Variants in SYT14 observed in about 807,000 individuals in gnomAD.
SYT14 encodes synaptotagmin-14.
SYT14 carries 32 observed loss-of-function variants against 74.2 expected under a neutral mutation model. That is an observed-to-expected ratio of 0.43 (90% CI 0.33 to 0.58). SYT14 has a LOEUF of 0.58. SYT14 is among the 20% of genes least tolerant of loss of function. The pLI is 0.05. For synonymous variants in SYT14, 298 were observed against 337.7 expected, an observed-to-expected ratio of 0.88 and a Z score of 1.29; for missense variants, 791 against 981.8, an observed-to-expected ratio of 0.81 and a Z score of 2.60.
At chr1:210,008,822 G>A (rs924574883) in intron 2 of SYT14, among the ~76,000 whole-genome samples, 58 of 152,122 alleles carry the variant, frequency 3.8e-4, no homozygotes, top group African/African-American at 1.3e-3. Context: ...CAGATTCATA[G>A]TATACAAAGA....
At chr1:210,104,843 A>G (rs1369845109) in intron 7 of SYT14, among the ~76,000 whole-genome samples, 1 of 152,208 alleles carries the variant, frequency 6.6e-6, no homozygotes, top group African/African-American at 2.4e-5. Flanking sequence ...AGGCTATTGG[A>G]CAATTCTCAG....
At chr1:210,147,454 G>A (rs905584305) in intron 7 of SYT14, among the ~76,000 whole-genome samples, 2 of 152,116 alleles carry the variant, frequency 1.3e-5, no homozygotes, top group African/African-American at 4.8e-5. Context: ...AAATTACAGT[G>A]AAAGGATAAA....
chr1:210,052,665 C>CAAAAAAAAAAAAAAAAAAAAAAAAAAA (rs561069342), intron 5 of SYT14, among the ~76,000 whole-genome samples: 4 of 42,264 alleles, frequency 9.5e-5, no homozygotes, highest in Non-Finnish European at 1.7e-4. Context: ...TACATCTCAC[C>CAAAAAAAAAAAAAAAAAAAAAAAAAAA]AAAAAAAAAA....
chr1:210,138,033 A>G (rs2082828107), intron 7 of SYT14, among the ~76,000 whole-genome samples: 1 of 152,162 alleles, frequency 6.6e-6, no homozygotes, highest in Non-Finnish European at 1.5e-5. Flanking sequence ...ACATAAACAC[A>G]TGCTGTGTAC....
intron 2 of SYT14, among the ~76,000 whole-genome samples, chr1:209,990,261 G>A (rs1366308575): frequency 1.3e-5 from 2 of 151,750 alleles, no homozygotes; most frequent in African/African-American, 4.8e-5. Flanking sequence ...GTTCCAGATT[G>A]TTAGGGCTTC....
intron 5 of SYT14, among the ~76,000 whole-genome samples, chr1:210,042,962 A>G (rs1312789903): frequency 6.6e-6 from 1 of 152,116 alleles, no homozygotes; most frequent in East Asian, 1.9e-4. Flanking sequence ...CATTTTCACG[A>G]TATTGATTCT....
chr1:210,062,220 A>T (rs202105137), intron 5 of SYT14, among the ~76,000 whole-genome samples: 1 of 151,848 alleles, frequency 6.6e-6, no homozygotes, highest in East Asian at 1.9e-4. Flanking sequence ...TAAGTACACG[A>T]CAGTATATGA....
intron 2 of SYT14, chr1:209,953,352 A>T: frequency 1.3e-6 from 1 of 757,068 alleles, no homozygotes; most frequent in Non-Finnish European, 1.9e-6. Flanking sequence ...AACTCCTTAT[A>T]AGTAATCACA....
At chr1:210,078,252 G>A (rs1474514084) in intron 5 of SYT14, among the ~76,000 whole-genome samples, 1 of 133,654 alleles carries the variant, frequency 7.5e-6, no homozygotes, top group Admixed American at 8.6e-5. Context: ...AGAGCTTGCA[G>A]TGAGCTGAGA....
intron 2 of SYT14, among the ~76,000 whole-genome samples, chr1:209,987,280 A>G (rs2102823231): frequency 6.6e-6 from 1 of 152,296 alleles, no homozygotes; most frequent in East Asian, 1.9e-4. Flanking sequence ...ATATTAGGCA[A>G]TTCTTGTGTT....
chr1:210,028,178 G>T (rs75894915), intron 5 of SYT14, among the ~76,000 whole-genome samples: 1 of 148,982 alleles, frequency 6.7e-6, no homozygotes, highest in African/African-American at 2.5e-5. Context: ...TTTTTGTCTC[G>T]CTTATTTTAG....
chr1:210,142,321 A>G (rs75830055), intron 7 of SYT14, among the ~76,000 whole-genome samples: 2 of 152,148 alleles, frequency 1.3e-5, no homozygotes, highest in Non-Finnish European at 2.9e-5. Flanking sequence ...CACAGTATTG[A>G]GCCATTTTTC....
At chr1:210,028,980 G>A (rs2080471614) in intron 5 of SYT14, among the ~76,000 whole-genome samples, 1 of 152,104 alleles carries the variant, frequency 6.6e-6, no homozygotes. Context: ...ATAGGTATGA[G>A]GTGATATCTT....
chr1:210,104,207 A>G (rs2082120587), intron 7 of SYT14, among the ~76,000 whole-genome samples: 1 of 152,248 alleles, frequency 6.6e-6, no homozygotes, highest in African/African-American at 2.4e-5. Flanking sequence ...CAGTTGCAGT[A>G]GAGGAAAGTC....
At chr1:209,975,884 A>T (rs1043229645) in intron 2 of SYT14, among the ~76,000 whole-genome samples, 15 of 152,132 alleles carry the variant, frequency 9.9e-5, no homozygotes, top group African/African-American at 2.9e-4. Flanking sequence ...TTTCAGAGCC[A>T]GTTGTTGGTC....
In SYT14 at chr1:210,117,108, C is replaced by T. The variant is rs1008063802; in HGVS notation, c.2034+16647C>T. ...AATGCCACAGACTCTTAAGACTGAA[C>T]TACCCTCTTTATGACTTACTACAAT... On this transcript the variant is annotated intron_variant, in intron 7 of 9. Coordinates refer to ENST00000637265, the Ensembl canonical transcript of SYT14. Among the ~76,000 whole-genome samples the T allele has an allele frequency of 6.6e-5, 10 of 152,252 alleles. No homozygotes were observed. The East Asian group carries it at 1.9e-3, about 29-fold the overall frequency.
chr1:210,071,176 T>C (rs1423798988), intron 5 of SYT14, among the ~76,000 whole-genome samples: 2 of 105,408 alleles, frequency 1.9e-5, no homozygotes, highest in Non-Finnish European at 4.7e-5. Context: ...GCATTGTGAG[T>C]GTTGAGTTGG....
intron 2 of SYT14, among the ~76,000 whole-genome samples, chr1:209,998,597 A>G (rs544157326): frequency 2.6e-5 from 4 of 152,266 alleles, no homozygotes; most frequent in African/African-American, 9.6e-5. Context: ...ATTAAAGCAG[A>G]CACATAAACC....
intron 2 of SYT14, among the ~76,000 whole-genome samples, chr1:209,979,917 G>T (rs907377983): frequency 2.0e-5 from 3 of 152,184 alleles, no homozygotes; most frequent in African/African-American, 7.2e-5. Flanking sequence ...ATGAACATGT[G>T]CATGCATATG....
Sources: allele counts gnomAD v4.1 joint callset (sites outside exome capture counted in the v4.1 genomes callset), GRCh38; gene constraint gnomAD v4.1.1; transcripts MANE v1.5; gene names NCBI Gene and HGNC (gene_info 2026-07-23, HGNC 2026-07-21).